The following RTF2 variants were observed in gnomAD, a reference collection of about 807,000 sequenced individuals.
The protein encoded by RTF2 is replication termination factor 2.
Under a neutral mutation model 38.0 loss-of-function variants are expected in RTF2, and 18 were observed. That is an observed-to-expected ratio of 0.47 (90% CI 0.33 to 0.70). The LOEUF (loss-of-function observed/expected upper bound fraction) is 0.70. Ranked by LOEUF, RTF2 falls within the 30% of genes least tolerant of loss-of-function variation. The pLI is 0.02. For synonymous variants in RTF2, 126 were observed against 137.1 expected (o/e 0.92, Z 0.57); for missense variants, 311 against 379.6 (o/e 0.82, Z 1.50).
In RTF2 at chr20:56,497,345, G is replaced by A. The variant is rs371991493; in HGVS notation, c.477+13156G>A. ...AATGCAGCCCCCGAGAAATCCTGGA[G>A]CAGTTTCCTGGTGTGTGTAAATGAG... On this transcript the variant is annotated intron_variant, in intron 5 of 8. Coordinates refer to ENST00000357348, the MANE Select transcript of RTF2 (RefSeq NM_016407.5). 1.6e-4 allele frequency: 247 copies of A among 1,550,450 alleles called. No homozygotes were observed. In the African/African-American group the frequency reaches 2.9e-3, roughly 18 times the overall value.
intron 5 of RTF2, among the ~76,000 whole-genome samples, chr20:56,511,884 G>A (rs1984694262): frequency 6.6e-6 from 1 of 152,080 alleles, no homozygotes; most frequent in Non-Finnish European, 1.5e-5. Flanking sequence ...CCAGGCTGGA[G>A]TGCAGTGGCA....
At position 56,481,060 on chromosome 20, in the gene RTF2, A is replaced by G. The variant is rs6024906; in HGVS notation, c.399-3051A>G. ...GAACCTTCAGTCTAAAATAATCACA[A>G]TATCTGCAAAGCGCAATAAAACAAG... On this transcript the variant is annotated intron_variant, in intron 4 of 8. Transcript: ENST00000357348. 8.9e-4 allele frequency among the ~76,000 whole-genome samples: 136 copies of G among 152,300 alleles called. 2 individuals carry two copies. The highest frequency in any genetic ancestry group is 3.1e-3 in the African/African-American group (130 of 41,554).
chr20:56,511,632 T>C (rs1984675759), intron 5 of RTF2, among the ~76,000 whole-genome samples: 1 of 152,124 alleles, frequency 6.6e-6, no homozygotes, highest in Non-Finnish European at 1.5e-5. Flanking sequence ...TGGGTAACTC[T>C]CTGTGGGGGG....
rs148259199 is a variant in RTF2, at chr20:56,512,803, C to G, written c.478-512C>G. ...CGTGGGGCTTCCTTACGCGCACTCC[C>G]TCCCTCAAGGGGTTGTACGAAGTGA... On this transcript the variant is annotated intron_variant, in intron 5 of 8. Coordinates refer to ENST00000357348, the MANE Select transcript of RTF2 (RefSeq NM_016407.5). Among the ~76,000 whole-genome samples, 432 of 152,334 alleles carry G rather than the reference C, an allele frequency of 2.8e-3. 2 individuals are homozygous for G. The highest frequency in any genetic ancestry group is 9.9e-3 in the African/African-American group (411 of 41,588).
At chr20:56,475,201 G>C (rs1463639864) in intron 3 of RTF2, among the ~76,000 whole-genome samples, 3 of 152,124 alleles carry the variant, frequency 2.0e-5, no homozygotes, top group African/African-American at 7.2e-5. Context: ...GAAAAAACAA[G>C]TTTTTTTAAT....
At position 56,477,909 on chromosome 20, in the gene RTF2, A is replaced by G. The variant is rs557243471; in HGVS notation, c.398+785A>G. Among the ~76,000 whole-genome samples the G allele has an allele frequency of 6.3e-4, 96 of 152,364 alleles. 1 individual carries two copies. The highest frequency in any genetic ancestry group is 1.5e-3 in the African/African-American group (63 of 41,592). On this transcript the variant is annotated intron_variant, in intron 4 of 8. Transcript: ENST00000357348. Reference sequence around the variant, plus strand: ...GGTAATTTGCCTTGAATTTGTAGCTAACAGATTCTCTGGCTGTAGCACTGG... The same window carrying G: ...GGTAATTTGCCTTGAATTTGTAGCTGACAGATTCTCTGGCTGTAGCACTGG...
At chr20:56,496,956 A>G (rs1600815685) in intron 5 of RTF2, 1 of 1,551,492 alleles carries the variant, frequency 6.4e-7, no homozygotes, top group Non-Finnish European at 8.7e-7. Context: ...GATGTAGTGT[A>G]TGATTTCTCT....
At chr20:56,515,665 G>GACAC (rs11474559) in intron 6 of RTF2, 4,564 of 145,668 alleles carry the variant, frequency 0.031, 77 homozygotes, top group Middle Eastern at 0.056. Context: ...CTCAGACAGA[G>GACAC]ACACACACAC....
chr20:56,481,983 C>G (rs141453690), intron 4 of RTF2, among the ~76,000 whole-genome samples: 1 of 152,186 alleles, frequency 6.6e-6, no homozygotes, highest in African/African-American at 2.4e-5. Flanking sequence ...AATGGGGTCT[C>G]GAGTAGGAGT....
chr20:56,476,413 C>G (rs1203380418), intron 3 of RTF2, among the ~76,000 whole-genome samples: 1 of 151,330 alleles, frequency 6.6e-6, no homozygotes, highest in Non-Finnish European at 1.5e-5. Flanking sequence ...TAAGAGGGTA[C>G]TTTTCCTTAA....
intron 5 of RTF2, among the ~76,000 whole-genome samples, chr20:56,508,453 C>CT (rs1984422902): frequency 6.6e-6 from 1 of 152,028 alleles, no homozygotes; most frequent in African/African-American, 2.4e-5. Flanking sequence ...GGTTGCCTGC[C>CT]TTTATGTTTT....
intron 4 of RTF2, among the ~76,000 whole-genome samples, chr20:56,481,620 T>C (rs374139649): frequency 6.6e-6 from 1 of 150,752 alleles, no homozygotes; most frequent in Admixed American, 6.7e-5. Flanking sequence ...CATATATATA[T>C]ACACACACAT....
At chr20:56,506,802 G>A (rs977256296) in intron 5 of RTF2, among the ~76,000 whole-genome samples, 2 of 151,940 alleles carry the variant, frequency 1.3e-5, no homozygotes, top group Non-Finnish European at 2.9e-5. Context: ...CCAGCTTCAC[G>A]CCATTCTCCT....
chr20:56,481,404 A>G (rs987928243), intron 4 of RTF2, among the ~76,000 whole-genome samples: 5 of 152,194 alleles, frequency 3.3e-5, no homozygotes, highest in Admixed American at 3.3e-4. Context: ...GAGGGGCTTC[A>G]TGGATTTGGA....
rs140775705 is a variant in RTF2, at chr20:56,473,330, A to G, written c.99A>G (p.Gln33=). The G allele has an allele frequency of 3.2e-5, 52 of 1,613,864 alleles. No individual in the cohort carries two copies. The highest frequency in any genetic ancestry group is 8.0e-5 in the African/African-American group (6 of 75,046). ...ACAAAGATGCTGAATTAGTGGCCCA[A>G]TGGAACTATTGTACTCTAAGTCAGG... ...KVDKDAELVA[Q]WNYCTLSQEI... is the part of the protein sequence containing the mutation. Residue 33 remains glutamine (Q), a synonymous_variant, in exon 2 of 9, where the codon CAA becomes CAG. Transcript: ENST00000357348.
chr20:56,509,941 A>G (rs1045476384), intron 5 of RTF2, among the ~76,000 whole-genome samples: 1 of 152,152 alleles, frequency 6.6e-6, no homozygotes, highest in Non-Finnish European at 1.5e-5. Context: ...TCTGATCCAT[A>G]CTATAACATG....
At position 56,492,073 on chromosome 20, in the gene RTF2, G is replaced by A. The variant is rs564339548; in HGVS notation, c.477+7884G>A. Among the ~76,000 whole-genome samples, 3 of 152,202 alleles carry A rather than the reference G, an allele frequency of 2.0e-5. No individual in the cohort carries two copies. In the South Asian group the frequency reaches 6.2e-4, roughly 32 times the overall value. Reference sequence around the variant, plus strand: ...CTCACCACGCGCACACGAGAGATAAGCTAGCGCTCATTTGCCTGCTAAAAT... The same window carrying A: ...CTCACCACGCGCACACGAGAGATAAACTAGCGCTCATTTGCCTGCTAAAAT... On this transcript the variant is annotated intron_variant, in intron 5 of 8. Transcript: ENST00000357348.
intron 5 of RTF2, among the ~76,000 whole-genome samples, chr20:56,493,792 G>C (rs1216930579): frequency 1.3e-5 from 2 of 152,128 alleles, no homozygotes; most frequent in East Asian, 3.8e-4. Flanking sequence ...AGTTGAACTA[G>C]AAGGGAATAC....
At chr20:56,502,050 C>T (rs529604011) in intron 5 of RTF2, among the ~76,000 whole-genome samples, 28 of 152,250 alleles carry the variant, frequency 1.8e-4, no homozygotes, top group African/African-American at 6.5e-4. Flanking sequence ...TACAGTGGAA[C>T]AAAACAGCTT....
Sources: allele counts gnomAD v4.1 joint callset (sites outside exome capture counted in the v4.1 genomes callset), GRCh38; gene constraint gnomAD v4.1.1; transcripts MANE v1.5; gene names NCBI Gene and HGNC (gene_info 2026-07-23, HGNC 2026-07-21).